IL1RAPL1: variants seen among roughly 807,000 people sequenced by gnomAD.
The protein encoded by IL1RAPL1 is interleukin-1 receptor accessory protein-like 1.
IL1RAPL1 carries 3 observed loss-of-function variants against 48.4 expected under a neutral mutation model. That is an observed-to-expected ratio of 0.06 (90% CI 0.03 to 0.16). The LOEUF (loss-of-function observed/expected upper bound fraction) is 0.16. Ranked by LOEUF, IL1RAPL1 falls within the 10% of genes least tolerant of loss-of-function variation. The pLI is 1.00. For missense variants in IL1RAPL1, 349 were observed against 530.6 expected, an observed-to-expected ratio of 0.66 and a Z score of 3.36; for synonymous variants, 185 against 187.7, an observed-to-expected ratio of 0.99 and a Z score of 0.12.
rs1310076277 is a variant in IL1RAPL1 at position 28,694,489 on chromosome X, A to G, written c.-24-94831A>G. Among the ~76,000 whole-genome samples the G allele has an allele frequency of 4.5e-5, 5 of 112,114 alleles. No individual in the cohort carries two copies. The East Asian group carries it at 1.4e-3, about 32-fold the overall frequency. On this transcript the variant is annotated intron_variant, in intron 1 of 10. Transcript: ENST00000378993. The stretch of plus-strand genomic sequence containing the variant: ...AGAAATATGAAGATTTCACAGGTCA[A>G]CACATAGGCAGTGTGAACTGGGGAG...
chrX:29,623,420 A>G (rs1924527402), intron 5 of IL1RAPL1, among the ~76,000 whole-genome samples: 1 of 112,231 alleles, frequency 8.9e-6, no homozygotes, highest in African/African-American at 3.2e-5. Flanking sequence ...TTCTTAAGCT[A>G]TAAGATGATT....
chrX:28,723,703 T>G (rs1461758194), intron 1 of IL1RAPL1, among the ~76,000 whole-genome samples: 5 of 112,028 alleles, frequency 4.5e-5, no homozygotes, highest in Non-Finnish European at 7.5e-5. Context: ...CAATTTTAGA[T>G]CTTTCCTGCT....
intron 2 of IL1RAPL1, among the ~76,000 whole-genome samples, chrX:29,014,260 G>A (rs944768719): frequency 2.7e-5 from 3 of 111,765 alleles, no homozygotes; most frequent in Admixed American, 1.9e-4. Context: ...GTTAAATTCC[G>A]AGCATCTTCA....
chrX:29,590,469 C>T (rs1332903562), intron 5 of IL1RAPL1, among the ~76,000 whole-genome samples: 3 of 111,958 alleles, frequency 2.7e-5, no homozygotes, highest in East Asian at 2.8e-4. Flanking sequence ...CTGCCTCTCC[C>T]GAGTGATTCC....
intron 5 of IL1RAPL1, among the ~76,000 whole-genome samples, chrX:29,609,639 TTCACGAG>T (rs1924028965): frequency 8.9e-6 from 1 of 112,555 alleles, no homozygotes; most frequent in South Asian, 3.7e-4. Context: ...TTCTTAAGGT[TTCACGAG>T]TCTTAAATTA....
At chrX:28,956,131 A>C (rs1924602481) in intron 2 of IL1RAPL1, among the ~76,000 whole-genome samples, 1 of 107,870 alleles carries the variant, frequency 9.3e-6, no homozygotes. Context: ...GACTTTGCTG[A>C]AGTTGCTTAT....
intron 5 of IL1RAPL1, among the ~76,000 whole-genome samples, chrX:29,505,897 A>G: frequency 9.0e-6 from 1 of 111,392 alleles, no homozygotes; most frequent in Non-Finnish European, 1.9e-5. Context: ...GTAATTTTCT[A>G]TATTTTGTGG....
chrX:29,098,617 A>T (rs1928266167), intron 2 of IL1RAPL1, among the ~76,000 whole-genome samples: 1 of 111,742 alleles, frequency 8.9e-6, no homozygotes, highest in Non-Finnish European at 1.9e-5. Flanking sequence ...CCTCTACCCT[A>T]GGCCTTGAGT....
At chrX:29,064,932 C>T (rs1008735523) in intron 2 of IL1RAPL1, among the ~76,000 whole-genome samples, 9 of 111,575 alleles carry the variant, frequency 8.1e-5, no homozygotes, top group Non-Finnish European at 1.3e-4. Flanking sequence ...TTTACTTACT[C>T]TTTCTTATTC....
At chrX:29,431,712 C>T (rs773753745) in intron 5 of IL1RAPL1, among the ~76,000 whole-genome samples, 1 of 110,651 alleles carries the variant, frequency 9.0e-6, no homozygotes, top group African/African-American at 3.3e-5. Flanking sequence ...ACATCATTCC[C>T]TTTTTGCTAC....
chrX:29,794,912 A>G (rs1418989831), intron 6 of IL1RAPL1, among the ~76,000 whole-genome samples: 3 of 112,318 alleles, frequency 2.7e-5, no homozygotes, highest in Non-Finnish European at 5.6e-5. Flanking sequence ...TTGTGAATTA[A>G]TGAAACCTCT....
intron 6 of IL1RAPL1, among the ~76,000 whole-genome samples, chrX:29,880,953 G>A (rs773149968): frequency 1.8e-5 from 2 of 111,418 alleles, no homozygotes; most frequent in Non-Finnish European, 3.8e-5. Flanking sequence ...CCTGAGAAAT[G>A]TTCGCCAACC....
At chrX:28,632,229 A>G in intron 1 of IL1RAPL1, among the ~76,000 whole-genome samples, 1 of 111,554 alleles carries the variant, frequency 9.0e-6, no homozygotes, top group East Asian at 2.8e-4. Context: ...GTTAGTGGAT[A>G]TCTATCTGCC....
intron 2 of IL1RAPL1, among the ~76,000 whole-genome samples, chrX:29,189,104 C>G (rs1439057957): frequency 9.0e-6 from 1 of 111,473 alleles, no homozygotes; most frequent in African/African-American, 3.3e-5. Context: ...TTTTATTTGC[C>G]AAATATGTAA....
chrX:29,436,771 G>A (rs1934486302), intron 5 of IL1RAPL1, among the ~76,000 whole-genome samples: 1 of 110,523 alleles, frequency 9.0e-6, no homozygotes, highest in African/African-American at 3.3e-5. Context: ...GTTCACAAAG[G>A]AGAATATACA....
intron 2 of IL1RAPL1, among the ~76,000 whole-genome samples, chrX:29,253,186 A>G (rs1053682880): frequency 9.0e-6 from 1 of 111,105 alleles, no homozygotes; most frequent in African/African-American, 3.3e-5. Context: ...TATTAATTGT[A>G]TGAAAAGATG....
chrX:28,965,206 T>C (rs758536660), intron 2 of IL1RAPL1, among the ~76,000 whole-genome samples: 20 of 111,846 alleles, frequency 1.8e-4, no homozygotes, highest in Non-Finnish European at 3.4e-4. Flanking sequence ...AAACATCCCA[T>C]ATAATAGAAT....
At chrX:29,891,087 C>T (rs752793793) in intron 6 of IL1RAPL1, among the ~76,000 whole-genome samples, 1 of 111,974 alleles carries the variant, frequency 8.9e-6, no homozygotes. Context: ...GGAGCACCAC[C>T]AGTGCTGCCT....
At chrX:29,457,984 T>C (rs1212913020) in intron 5 of IL1RAPL1, among the ~76,000 whole-genome samples, 1 of 112,175 alleles carries the variant, frequency 8.9e-6, no homozygotes, top group African/African-American at 3.2e-5. Flanking sequence ...TGGCTGCTTG[T>C]ACATCCTTTG....
Sources: allele counts gnomAD v4.1 joint callset (sites outside exome capture counted in the v4.1 genomes callset), GRCh38; gene constraint gnomAD v4.1.1; transcripts MANE v1.5; gene names NCBI Gene and HGNC (gene_info 2026-07-23, HGNC 2026-07-21).